ZBTB20: variants seen among roughly 807,000 people sequenced by gnomAD.
ZBTB20 encodes the protein zinc finger and BTB domain-containing protein 20.
ZBTB20 carries 9 observed loss-of-function variants against 56.9 expected under a neutral mutation model. That is an observed-to-expected ratio of 0.16 (90% CI 0.10 to 0.28). The LOEUF (loss-of-function observed/expected upper bound fraction) is 0.28, where lower values mean the gene tolerates loss of function less well. Among genes scored for constraint, ZBTB20 ranks in the 10% least tolerant of loss-of-function variants. The probability of loss-of-function intolerance (pLI) is 1.00; values close to 1 mark genes in which losing one functional copy is unlikely to be tolerated. For synonymous variants in ZBTB20, 417 were observed against 420.7 expected (o/e 0.99, Z 0.11); for missense variants, 655 against 1,003.0 (o/e 0.65, Z 4.69).
intron 2 of ZBTB20, among the ~76,000 whole-genome samples, chr3:114,984,323 G>T (rs190554614): frequency 9.1e-4 from 139 of 152,112 alleles, no homozygotes; most frequent in African/African-American, 3.2e-3. Context: ...AGTTACATAT[G>T]TATACATGTG....
At chr3:114,942,746 T>C (rs2107860143) in intron 3 of ZBTB20, among the ~76,000 whole-genome samples, 1 of 146,190 alleles carries the variant, frequency 6.8e-6, no homozygotes, top group East Asian at 1.9e-4. Context: ...GTAAGCCCTA[T>C]GTTGTTTATT....
At chr3:114,785,380 T>G (rs536097257) in intron 5 of ZBTB20, among the ~76,000 whole-genome samples, 4 of 152,268 alleles carry the variant, frequency 2.6e-5, no homozygotes, top group African/African-American at 9.6e-5. Flanking sequence ...AATTATATTC[T>G]CTTTGTACGT....
intron 5 of ZBTB20, among the ~76,000 whole-genome samples, chr3:114,702,106 G>A (rs2063423319): frequency 6.6e-6 from 1 of 152,180 alleles, no homozygotes; most frequent in Non-Finnish European, 1.5e-5. Flanking sequence ...GGGAGGCTGA[G>A]GTGGGTGCAT....
At chr3:114,522,000 G>A (rs1052310360) in intron 6 of ZBTB20, among the ~76,000 whole-genome samples, 6 of 151,766 alleles carry the variant, frequency 4.0e-5, no homozygotes, top group African/African-American at 1.5e-4. Flanking sequence ...TAGGCACTGA[G>A]GATTTCTTAG....
At chr3:114,913,266 GT>G (rs2075615250) in intron 3 of ZBTB20, among the ~76,000 whole-genome samples, 1 of 151,784 alleles carries the variant, frequency 6.6e-6, no homozygotes, top group African/African-American at 2.4e-5. Flanking sequence ...TCTTTTGGAT[GT>G]AAGTCATTTT....
chr3:114,350,363 T>C lies in ZBTB20; in HGVS notation c.1715A>G (p.Gln572Arg). The stretch of plus-strand genomic sequence containing the variant: ...GCACTCATAAGGCTTTTTTTCGCCT[T>C]GCCCACTGGCTGTGCTGTGGCCTGC... ...SSAGHSTASG[Q>R]GEKKPYECTL... The change falls in exon 11 of 12, where the codon CAA becomes CGA. Residue 572 changes from glutamine (Q) to arginine (R), a missense_variant. Around this residue, in one of 10 missense-constraint regions of ZBTB20, gnomAD observed 71 missense variants for 89.4 expected, o/e 0.79. Coordinates refer to ENST00000675478, the MANE Select transcript of ZBTB20 (RefSeq NM_001348800.3). The C allele has an allele frequency of 6.2e-7, 1 of 1,614,224 alleles. No homozygotes were observed. The highest frequency in any genetic ancestry group is 1.1e-5 in the South Asian group (1 of 91,084).
chr3:114,734,663 A>G (rs1051418299), intron 5 of ZBTB20, among the ~76,000 whole-genome samples: 2 of 152,194 alleles, frequency 1.3e-5, no homozygotes, highest in African/African-American at 4.8e-5. Context: ...AATAAATGTG[A>G]GCTGTACATG....
chr3:115,143,219 C>T (rs1401825871), intron 1 of ZBTB20, among the ~76,000 whole-genome samples: 1 of 152,176 alleles, frequency 6.6e-6, no homozygotes, highest in African/African-American at 2.4e-5. Context: ...TGTAATGTTC[C>T]TCTTGCATTA....
At chr3:114,375,700 AG>A (rs2083537723) in intron 10 of ZBTB20, 2 of 152,232 alleles carry the variant, frequency 1.3e-5, no homozygotes, top group South Asian at 4.1e-4. Flanking sequence ...AGGGACTAAA[AG>A]GTTTATTCAC....
At position 114,453,951 on chromosome 3, in the gene ZBTB20, G is replaced by T. The variant is rs377043831; in HGVS notation, c.-255+46401C>A. The stretch of plus-strand genomic sequence containing the variant: ...CCCCCCCCACCCTTCCCTTTGTAAA[G>T]AACTCTTTGTTCTCTAGTGAAAATG... On this transcript the variant is annotated intron_variant, in intron 7 of 11. Transcript: ENST00000675478. Among the ~76,000 whole-genome samples the T allele has an allele frequency of 8.2e-5, 7 of 85,128 alleles. No individual in the cohort carries two copies. In the East Asian group the frequency reaches 2.5e-3, roughly 31 times the overall value. 55.8% of individuals were successfully genotyped at this position (85,128 alleles called of 152,430 possible).
intron 2 of ZBTB20, among the ~76,000 whole-genome samples, chr3:115,048,846 G>A (rs767350825): frequency 6.6e-6 from 1 of 151,954 alleles, no homozygotes; most frequent in African/African-American, 2.4e-5. Context: ...ATATATAAAA[G>A]AGTATTTATT....
intron 4 of ZBTB20, among the ~76,000 whole-genome samples, chr3:114,815,719 T>TAC (rs966503505): frequency 1.3e-5 from 2 of 152,046 alleles, no homozygotes; most frequent in African/African-American, 4.8e-5. Context: ...GGAGATTTTA[T>TAC]ACACACACAC....
chr3:114,360,274 T>C (rs1330453111), intron 10 of ZBTB20, among the ~76,000 whole-genome samples: 1 of 152,068 alleles, frequency 6.6e-6, no homozygotes. Context: ...TAAAAAAAAG[T>C]TGCTTCCAAT....
chr3:114,743,701 CTG>C (rs2066798361), intron 5 of ZBTB20: 1 of 154,152 alleles, frequency 6.5e-6, no homozygotes, highest in African/African-American at 2.4e-5. Context: ...GGGCAGTAAT[CTG>C]TGTCTTACCA....
intron 5 of ZBTB20, among the ~76,000 whole-genome samples, chr3:114,697,651 G>T (rs746049770): frequency 2.6e-5 from 4 of 151,796 alleles, no homozygotes; most frequent in Non-Finnish European, 5.9e-5. Context: ...AAGTGATGTT[G>T]CGTAACTGAG....
intron 5 of ZBTB20, among the ~76,000 whole-genome samples, chr3:114,763,646 T>C (rs1413339645): frequency 2.8e-4 from 42 of 152,160 alleles, no homozygotes; most frequent in Admixed American, 2.8e-3. Flanking sequence ...CATCTTTATG[T>C]TTTTCATTAA....
chr3:114,945,982 A>G (rs1308136646), intron 3 of ZBTB20, among the ~76,000 whole-genome samples: 2 of 145,680 alleles, frequency 1.4e-5, no homozygotes, highest in Non-Finnish European at 3.0e-5. Flanking sequence ...TCACAGTTCC[A>G]AATTTGTACA....
chr3:115,023,040 T>C (rs1329468864), intron 2 of ZBTB20, among the ~76,000 whole-genome samples: 1 of 150,872 alleles, frequency 6.6e-6, no homozygotes, highest in Non-Finnish European at 1.5e-5. Context: ...GGAGATAACC[T>C]TCAATGACTC....
At chr3:114,769,921 T>C (rs1014198177) in intron 5 of ZBTB20, among the ~76,000 whole-genome samples, 5 of 151,130 alleles carry the variant, frequency 3.3e-5, no homozygotes, top group Admixed American at 2.6e-4. Flanking sequence ...TAGCTGGGCA[T>C]GGTGGTGTGC....
Sources: allele counts gnomAD v4.1 joint callset (sites outside exome capture counted in the v4.1 genomes callset), GRCh38; gene constraint gnomAD v4.1.1; regional missense constraint gnomAD v4.1.1; transcripts MANE v1.5; gene names NCBI Gene and HGNC (gene_info 2026-07-23, HGNC 2026-07-21).